FRMD6: variants seen among roughly 807,000 people sequenced by gnomAD.
FRMD6 encodes the protein FERM domain-containing protein 6.
FRMD6 carries 37 observed loss-of-function variants against 73.2 expected under a neutral mutation model. The ratio of observed to expected loss-of-function variants is 0.51; its 90% CI spans 0.39 to 0.66. FRMD6 has a LOEUF of 0.66. Among genes scored for constraint, FRMD6 ranks in the 30% least tolerant of loss-of-function variants. The pLI is 0.00. For synonymous variants in FRMD6, 273 were observed against 282.2 expected, an observed-to-expected ratio of 0.97 and a Z score of 0.33; for missense variants, 714 against 780.5, an observed-to-expected ratio of 0.91 and a Z score of 1.02.
the FRMD6 span, among the ~76,000 whole-genome samples, chr14:51,412,990 A>ATTTTTTTTTT: frequency 3.6e-4 from 48 of 134,146 alleles, no homozygotes; most frequent in African/African-American, 1.3e-3. Flanking sequence ...CCATAGTTAA[A>ATTTTTTTTTT]TTTTTTTTTT....
the FRMD6 span, among the ~76,000 whole-genome samples, chr14:51,414,666 A>G: frequency 4.1e-4 from 63 of 152,254 alleles, no homozygotes; most frequent in Non-Finnish European, 8.4e-4. Flanking sequence ...TGAACTTTAA[A>G]GTAGTTTTTT....
intron 1 of FRMD6, among the ~76,000 whole-genome samples, chr14:51,528,946 C>T (rs775476561): frequency 3.3e-5 from 5 of 152,198 alleles, no homozygotes; most frequent in Non-Finnish European, 5.9e-5. Flanking sequence ...GTGCTAATCT[C>T]TCTTCTTCTG....
intron 1 of FRMD6, among the ~76,000 whole-genome samples, chr14:51,543,489 T>C (rs1417340160): frequency 6.6e-6 from 1 of 152,038 alleles, no homozygotes; most frequent in Non-Finnish European, 1.5e-5. Context: ...GCATTTACTT[T>C]TATATAATCT....
chr14:51,502,900 G>A (rs1883702020), intron 1 of FRMD6, among the ~76,000 whole-genome samples: 1 of 152,168 alleles, frequency 6.6e-6, no homozygotes, highest in South Asian at 2.1e-4. Context: ...TCTCCTTGAA[G>A]AGGTCCTTCA....
rs1896530866 is a variant in FRMD6, at chr14:51,704,841, T to C, written c.464T>C (p.Leu155Pro). 6.2e-7 allele frequency: 1 copy of C among 1,613,230 alleles called. No homozygotes were observed. The highest frequency in any genetic ancestry group is 1.1e-5 in the South Asian group (1 of 91,038). Residue 155 changes from leucine (L) to proline (P), a missense_variant, in exon 6 of 14, where the codon CTG becomes CCG. Physicochemically the swap from Leu to Pro is moderately conservative, Grantham distance 98. Transcript: ENST00000344768. The part of the protein sequence containing the change: ...CVLREEAYFL[L>P]AAFALQADLG... The stretch of plus-strand genomic sequence containing the variant: ...CTCCGAGAGGAGGCCTACTTCCTGC[T>C]GGCAGCCTTTGCCCTGCAGGCTGAT...
the FRMD6 span, among the ~76,000 whole-genome samples, chr14:51,435,354 T>G: frequency 5.5e-4 from 82 of 150,160 alleles, 1 homozygote; most frequent in Admixed American, 5.0e-3. Flanking sequence ...GGTGGGAGGA[T>G]CACTTGAGCC....
intron 1 of FRMD6, among the ~76,000 whole-genome samples, chr14:51,551,595 G>A (rs925615928): frequency 6.6e-6 from 1 of 152,164 alleles, no homozygotes; most frequent in East Asian, 1.9e-4. Flanking sequence ...AATTTATCCA[G>A]GCCTGATGGT....
At chr14:51,677,491 G>A (rs1308702920) in intron 1 of FRMD6, among the ~76,000 whole-genome samples, 4 of 152,094 alleles carry the variant, frequency 2.6e-5, no homozygotes, top group Non-Finnish European at 4.4e-5. Flanking sequence ...TTTTCCCTGA[G>A]AACAGCACTT....
At chr14:51,700,635 A>G (rs1253599410) in intron 3 of FRMD6, among the ~76,000 whole-genome samples, 1 of 151,994 alleles carries the variant, frequency 6.6e-6, no homozygotes, top group Non-Finnish European at 1.5e-5. Context: ...TTACATAGCA[A>G]TTAAGATAGT....
rs61250963 is a variant in FRMD6, at chr14:51,679,555, CTTT to C, written c.-146-10120_-146-10118del. Among the ~76,000 whole-genome samples the C allele has an allele frequency of 2.8e-3, 338 of 120,578 alleles. 1 individual carries two copies. Among genetic ancestry groups the C allele is most frequent in the Non-Finnish European group, 4.2e-3 (236 of 56,446 alleles). The allele number at this position is 120,578 out of a possible 152,430, so 79.1% of individuals were successfully genotyped here. ...CAAAACAAATTAAGTCATTTGTTTTCTTTTTTTTTTTTTTTTTTGCTTTGGCAT... is the reference window on the plus strand; with the variant it reads ...CAAAACAAATTAAGTCATTTGTTTTCTTTTTTTTTTTTTTTGCTTTGGCAT... On this transcript the variant is annotated intron_variant, in intron 1 of 13. Coordinates refer to ENST00000344768, the MANE Select transcript of FRMD6 (RefSeq NM_001267046.2).
At chr14:51,607,043 T>A (rs1396253244) in intron 2 of FRMD6, among the ~76,000 whole-genome samples, 3 of 152,072 alleles carry the variant, frequency 2.0e-5, no homozygotes, top group Non-Finnish European at 2.9e-5. Flanking sequence ...GTAGATTGAA[T>A]GATGCCCACC....
chr14:51,438,262 A>G, the FRMD6 span, among the ~76,000 whole-genome samples: 247 of 152,352 alleles, frequency 1.6e-3, 2 homozygotes, highest in African/African-American at 5.7e-3. Context: ...CTGCCACTCA[A>G]TGGGAGAATC....
intron 6 of FRMD6, among the ~76,000 whole-genome samples, chr14:51,706,993 G>A (rs1045664154): frequency 1.3e-5 from 2 of 151,978 alleles, no homozygotes; most frequent in African/African-American, 4.8e-5. Context: ...ATTGATTATT[G>A]AAATCCAGTT....
the FRMD6 span, among the ~76,000 whole-genome samples, chr14:51,434,105 G>T: frequency 6.6e-6 from 1 of 152,096 alleles, no homozygotes; most frequent in African/African-American, 2.4e-5. Flanking sequence ...ATAAGGAAGG[G>T]GGAGGAAGCT....
intron 2 of FRMD6, among the ~76,000 whole-genome samples, chr14:51,606,519 G>A (rs570506546): frequency 3.1e-4 from 47 of 152,242 alleles, no homozygotes; most frequent in African/African-American, 1.1e-3. Context: ...CTGACCCTGG[G>A]ATAATACTTA....
chr14:51,430,631 A>AC, the FRMD6 span, among the ~76,000 whole-genome samples: 1,385 of 152,020 alleles, frequency 9.1e-3, 22 homozygotes, highest in African/African-American at 0.032. Context: ...AACAAAAAAA[A>AC]CCCTCTGTTC....
chr14:51,459,650 AC>A, the FRMD6 span, among the ~76,000 whole-genome samples: 1 of 151,646 alleles, frequency 6.6e-6, no homozygotes, highest in Non-Finnish European at 1.5e-5. Flanking sequence ...ACATGGCGAA[AC>A]CCCGTCTCCA....
At chr14:51,608,941 C>CA (rs1488503916) in intron 2 of FRMD6, among the ~76,000 whole-genome samples, 3 of 152,076 alleles carry the variant, frequency 2.0e-5, no homozygotes, top group African/African-American at 7.2e-5. Context: ...CTACATGCTA[C>CA]AAGGAGGGCA....
intron 2 of FRMD6, among the ~76,000 whole-genome samples, chr14:51,574,129 T>C (rs1291749097): frequency 3.9e-5 from 6 of 152,234 alleles, no homozygotes; most frequent in African/African-American, 1.4e-4. Context: ...AAGGTCTTCC[T>C]GTGCTTGCCC....
Sources: gnomAD v4.1 joint callset for allele counts (sites outside exome capture counted in the v4.1 genomes callset) on GRCh38, gnomAD v4.1.1 for gene constraint, MANE v1.5 for transcripts, NCBI Gene and HGNC (gene_info 2026-07-23, HGNC 2026-07-21) for gene names.